Variants in THSD4 observed in about 807,000 individuals in gnomAD.
The protein encoded by THSD4 is thrombospondin type-1 domain-containing protein 4.
In THSD4, 69 loss-of-function variants were observed where a neutral mutation model predicts 119.0. The ratio of observed to expected loss-of-function variants is 0.58; its 90% CI spans 0.48 to 0.71. The LOEUF is 0.71. THSD4 is among the 30% of genes least tolerant of loss of function. The pLI is 0.00. For synonymous variants in THSD4, 524 were observed against 540.4 expected, an observed-to-expected ratio of 0.97 and a Z score of 0.42; for missense variants, 1,393 against 1,391.1, an observed-to-expected ratio of 1.00 and a Z score of -0.02.
At chr15:71,763,022 G>A (rs1029287494) in intron 15 of THSD4, among the ~76,000 whole-genome samples, 20 of 152,044 alleles carry the variant, frequency 1.3e-4, no homozygotes, top group African/African-American at 4.8e-4. Context: ...AGTGAGCCGA[G>A]ATTGCACCAC....
At chr15:71,629,863 A>G (rs1427405734) in intron 7 of THSD4, among the ~76,000 whole-genome samples, 1 of 152,074 alleles carries the variant, frequency 6.6e-6, no homozygotes, top group African/African-American at 2.4e-5. Context: ...TCAGGAGCCT[A>G]TTTCCTCGGG....
At chr15:71,468,616 G>A (rs1200084758) in intron 7 of THSD4, among the ~76,000 whole-genome samples, 1 of 152,060 alleles carries the variant, frequency 6.6e-6, no homozygotes, top group Non-Finnish European at 1.5e-5. Flanking sequence ...ATTACTTTTA[G>A]CTATAATAGA....
At chr15:71,551,858 A>T (rs2048934901) in intron 7 of THSD4, among the ~76,000 whole-genome samples, 1 of 152,204 alleles carries the variant, frequency 6.6e-6, no homozygotes. Context: ...AGCATAAACC[A>T]TATTGTCTAT....
At chr15:71,694,957 T>G (rs530949968) in intron 8 of THSD4, among the ~76,000 whole-genome samples, 1 of 152,310 alleles carries the variant, frequency 6.6e-6, no homozygotes, top group Non-Finnish European at 1.5e-5. Flanking sequence ...GAACCAGCAG[T>G]GCATGTGATG....
At position 71,123,759 on chromosome 15, in the gene THSD4, G is replaced by A. The variant is rs183613762; in HGVS notation, c.-80+8061G>A. Among the ~76,000 whole-genome samples the A allele has an allele frequency of 3.3e-5, 5 of 152,298 alleles. No homozygotes were observed. The East Asian group carries it at 9.6e-4, about 29-fold the overall frequency. On this transcript the variant is annotated intron_variant, in intron 1 of 17. Coordinates refer to ENST00000261862, the MANE Select transcript of THSD4 (RefSeq NM_024817.3). ...AAACAAGGTTGGGGGAGAGGGAAGA[G>A]GGAGAAAGGAAGTAGAAGCCTGTTG...
intron 7 of THSD4, among the ~76,000 whole-genome samples, chr15:71,430,899 A>C (rs1272980637): frequency 1.3e-5 from 2 of 152,162 alleles, no homozygotes; most frequent in Non-Finnish European, 2.9e-5. Flanking sequence ...CCGTTCTGTA[A>C]AGCTGTCTGG....
intron 8 of THSD4, among the ~76,000 whole-genome samples, chr15:71,727,267 C>T (rs1441138547): frequency 6.6e-6 from 1 of 151,976 alleles, no homozygotes; most frequent in Non-Finnish European, 1.5e-5. Flanking sequence ...TAACACAGCC[C>T]ACAGCCTCAG....
At chr15:71,253,083 C>T (rs1383813591) in intron 5 of THSD4, among the ~76,000 whole-genome samples, 1 of 152,214 alleles carries the variant, frequency 6.6e-6, no homozygotes, top group Non-Finnish European at 1.5e-5. Context: ...CACCAGGACA[C>T]CTTGTTACCT....
Position 71,307,785 on chromosome 15 carries a change from A to G in THSD4, c.1015+51070A>G, listed in dbSNP as rs542149282. Among the ~76,000 whole-genome samples, 4 of 152,320 alleles carry G rather than the reference A, an allele frequency of 2.6e-5. No homozygotes were observed. In the South Asian group the frequency reaches 8.3e-4, roughly 32 times the overall value. ...ACTCCATCTCAAAAACAAACAAAAA[A>G]TGCTTTCATACTCACACTTATGGTT... is the stretch of plus-strand genomic sequence containing the variant. On this transcript the variant is annotated intron_variant, in intron 6 of 17. Transcript: ENST00000261862.
intron 8 of THSD4, among the ~76,000 whole-genome samples, chr15:71,691,473 C>T (rs556578790): frequency 1.2e-4 from 18 of 152,324 alleles, no homozygotes; most frequent in Non-Finnish European, 2.1e-4. Context: ...CTTGTCTGGA[C>T]GGGAAGGAGC....
chr15:71,669,982 G>A (rs1595847966), intron 8 of THSD4, among the ~76,000 whole-genome samples: 2 of 152,322 alleles, frequency 1.3e-5, no homozygotes, highest in East Asian at 3.9e-4. Context: ...TAACAAACCT[G>A]TTTAGTTTGC....
chr15:71,774,055 G>A (rs2053869509), intron 17 of THSD4, among the ~76,000 whole-genome samples: 1 of 152,188 alleles, frequency 6.6e-6, no homozygotes, highest in Non-Finnish European at 1.5e-5. Flanking sequence ...GCTCATACCT[G>A]TAGTCCCAGC....
At chr15:71,519,335 A>G (rs1177893389) in intron 7 of THSD4, among the ~76,000 whole-genome samples, 1 of 152,142 alleles carries the variant, frequency 6.6e-6, no homozygotes, top group Non-Finnish European at 1.5e-5. Flanking sequence ...TTCTAAGCAG[A>G]AACGGTATAT....
chr15:71,718,817 C>T (rs2052660624), intron 8 of THSD4, among the ~76,000 whole-genome samples: 1 of 152,158 alleles, frequency 6.6e-6, no homozygotes, highest in Non-Finnish European at 1.5e-5. Context: ...CAAATCTCTG[C>T]TCAAATGCCA....
intron 6 of THSD4, among the ~76,000 whole-genome samples, chr15:71,259,070 G>A (rs552411123): frequency 2.6e-4 from 39 of 151,958 alleles, no homozygotes; most frequent in Admixed American, 6.6e-4. Context: ...CTGAGATCAC[G>A]CCATTGCACT....
intron 7 of THSD4, among the ~76,000 whole-genome samples, chr15:71,640,907 A>T (rs1248488340): frequency 6.6e-6 from 1 of 152,048 alleles, no homozygotes; most frequent in African/African-American, 2.4e-5. Flanking sequence ...CACACGGTCG[A>T]TGTTTAATTA....
chr15:71,268,139 C>T (rs891252797), intron 6 of THSD4, among the ~76,000 whole-genome samples: 1 of 152,164 alleles, frequency 6.6e-6, no homozygotes, highest in Non-Finnish European at 1.5e-5. Flanking sequence ...CTCTCCACCC[C>T]AAATTAACAG....
intron 6 of THSD4, among the ~76,000 whole-genome samples, chr15:71,369,765 G>A (rs1429478868): frequency 6.6e-6 from 1 of 152,144 alleles, no homozygotes; most frequent in Admixed American, 6.5e-5. Flanking sequence ...TCTCTGTCAG[G>A]CTTTGGTATC....
At chr15:71,588,495 C>CT (rs1172585968) in intron 7 of THSD4, among the ~76,000 whole-genome samples, 10 of 152,180 alleles carry the variant, frequency 6.6e-5, no homozygotes, top group Middle Eastern at 3.4e-3. Flanking sequence ...GCAGTCTCTG[C>CT]TTACCACAGC....
Sources: gnomAD v4.1 joint callset for allele counts (sites outside exome capture counted in the v4.1 genomes callset) on GRCh38, gnomAD v4.1.1 for gene constraint, MANE v1.5 for transcripts, NCBI Gene and HGNC (gene_info 2026-07-23, HGNC 2026-07-21) for gene names.